The following TDRD1 variants were observed in gnomAD, a reference collection of about 807,000 sequenced individuals.
TDRD1 encodes tudor domain-containing protein 1.
TDRD1 carries 37 observed loss-of-function variants against 140.6 expected under a neutral mutation model. That is an observed-to-expected ratio of 0.26 (90% confidence interval 0.20 to 0.35). The LOEUF (loss-of-function observed/expected upper bound fraction) is 0.35. Among genes scored for constraint, TDRD1 ranks in the 10% least tolerant of loss-of-function variants. The probability of loss-of-function intolerance (pLI) is 1.00; values close to 1 mark genes in which losing one functional copy is unlikely to be tolerated. For synonymous variants in TDRD1, 506 were observed against 475.7 expected, an observed-to-expected ratio of 1.06 and a Z score of -0.83; for missense variants, 1,243 against 1,393.0, an observed-to-expected ratio of 0.89 and a Z score of 1.71.
exon 26 of TDRD1, chr10:114,231,705 T>C (rs1183872902): frequency 1.9e-6 from 1 of 518,646 alleles, no homozygotes; most frequent in Non-Finnish European, 3.3e-6. Context: ...CAAATAAATA[T>C]TACGTAAAAA....
chr10:114,188,356 A>C (rs977928654), intron 2 of TDRD1, among the ~76,000 whole-genome samples, 200 bp downstream of exon 2: 1 of 152,206 alleles, frequency 6.6e-6, no homozygotes, highest in African/African-American at 2.4e-5. Context: ...CTCAGAAAAA[A>C]TTCCTGGGGA....
chr10:114,189,313 C>T (rs2033789499), intron 2 of TDRD1, among the ~76,000 whole-genome samples: 1 of 152,120 alleles, frequency 6.6e-6, no homozygotes, highest in Non-Finnish European at 1.5e-5. Context: ...ACCATGTGTG[C>T]AATTGAGTTG....
chr10:114,215,931 A>G (rs1048897398), intron 16 of TDRD1, among the ~76,000 whole-genome samples: 2 of 152,168 alleles, frequency 1.3e-5, no homozygotes, highest in Admixed American at 6.5e-5. Context: ...ATCCTTTTCT[A>G]TATCTATCAA....
At chr10:114,182,025 G>A (rs374797517) in intron 1 of TDRD1, among the ~76,000 whole-genome samples, 8 of 152,192 alleles carry the variant, frequency 5.3e-5, no homozygotes, top group African/African-American at 1.7e-4. Flanking sequence ...GTGACTGAAC[G>A]TTTTATCTGG....
upstream of TDRD1, among the ~76,000 whole-genome samples, chr10:114,176,239 CA>C (rs1325908795): frequency 1.3e-5 from 2 of 151,256 alleles, no homozygotes; most frequent in African/African-American, 4.9e-5. The surrounding 1 kb of genome is among the most constrained non-coding windows in gnomAD (Gnocchi z 4.2). Flanking sequence ...AGAAGCACAA[CA>C]CCACCTGTGA....
intron 3 of TDRD1, among the ~76,000 whole-genome samples, chr10:114,196,601 T>C (rs189969490): frequency 1.3e-5 from 2 of 152,196 alleles, no homozygotes; most frequent in Non-Finnish European, 2.9e-5. Flanking sequence ...AGTCACCTTA[T>C]GTTTGTTTTA....
At chr10:114,228,372 CTGT>C (rs1460795332) in intron 25 of TDRD1, 3 of 1,232,106 alleles carry the variant, frequency 2.4e-6, no homozygotes, top group Non-Finnish European at 3.1e-6. Context: ...CCTTTCCTTA[CTGT>C]TGTTTGGTTC....
At chr10:114,211,732 TA>T in intron 13 of TDRD1, 133 bp from the exon 14 acceptor site, 1 of 860,370 alleles carries the variant, frequency 1.2e-6, no homozygotes, top group Non-Finnish European at 1.7e-6. Context: ...GCAAAATTAG[TA>T]AACATTGTTC....
Position 114,186,718 on chromosome 10 carries a change from T to A in TDRD1, c.-6-1108T>A, listed in dbSNP as rs561953957. 3.5e-4 allele frequency among the ~76,000 whole-genome samples: 54 copies of A among 152,274 alleles called. 2 individuals are homozygous for A. In the South Asian group the frequency reaches 0.011, roughly 30 times the overall value. On this transcript the variant is annotated intron_variant, in intron 1 of 25. Coordinates refer to ENST00000251864, the Ensembl canonical transcript of TDRD1. ...CTCCCCCATCGCTGCCCACCTGCAG[T>A]CATTCTGTTAGGGGTCTTCTCAGGG...
At chr10:114,196,929 C>G (rs867427997) in intron 3 of TDRD1, among the ~76,000 whole-genome samples, 18 of 135,972 alleles carry the variant, frequency 1.3e-4, no homozygotes, top group Admixed American at 1.3e-3. Context: ...TCACTGCAAC[C>G]TCTGCCTCCT....
chr10:114,187,342 C>T (rs140316969), intron 1 of TDRD1, among the ~76,000 whole-genome samples: 73 of 152,072 alleles, frequency 4.8e-4, no homozygotes, highest in South Asian at 1.5e-3. Flanking sequence ...GCAGTGAGTG[C>T]GAGGGCATTC....
chr10:114,228,481 C>A, intron 25 of TDRD1: 1 of 1,035,852 alleles, frequency 9.7e-7, no homozygotes. Context: ...CTGAAATTAA[C>A]TCAGAGCTCA....
chr10:114,181,514 G>A (rs1382615372), intron 1 of TDRD1, among the ~76,000 whole-genome samples: 2 of 152,188 alleles, frequency 1.3e-5, no homozygotes, highest in Non-Finnish European at 2.9e-5. Flanking sequence ...GATACAGGAT[G>A]AACCAAGTAG....
chr10:114,199,859 A>G (rs773283335), intron 4 of TDRD1, among the ~76,000 whole-genome samples: 2 of 152,174 alleles, frequency 1.3e-5, no homozygotes, highest in Non-Finnish European at 2.9e-5. Flanking sequence ...TGTTCTATTG[A>G]TGAATATTTT....
Position 114,210,973 on chromosome 10 carries a change from G to A in TDRD1, c.1660+6G>A, listed in dbSNP as rs572463130. 1 of 1,600,820 alleles carries A rather than the reference G, an allele frequency of 6.2e-7. No individual in the cohort carries two copies. Among genetic ancestry groups the A allele is most frequent in the East Asian group, 2.2e-5 (1 of 44,806 alleles). Reference sequence around the variant, plus strand: ...ATGTTGTGCTCAGTTCTCAGGTAAGGACAGAGTATTACTGATTTTTAAAAT... The same window carrying A: ...ATGTTGTGCTCAGTTCTCAGGTAAGAACAGAGTATTACTGATTTTTAAAAT... On this transcript the variant is annotated splice_donor_region_variant and intron_variant, in intron 13 of 25. Transcript: ENST00000251864.
At chr10:114,180,334 C>G (rs2032936742) in intron 1 of TDRD1, among the ~76,000 whole-genome samples, 1 of 152,168 alleles carries the variant, frequency 6.6e-6, no homozygotes, top group Admixed American at 6.5e-5. Context: ...ATTTTACAGT[C>G]GCTGAATCCT....
rs181237151 is a variant in TDRD1 at position 114,221,171 on chromosome 10, G to A, written c.2771-186G>A. 1.2e-4 allele frequency among the ~76,000 whole-genome samples: 18 copies of A among 152,216 alleles called. No individual in the cohort carries two copies. In the East Asian group the frequency reaches 2.1e-3, roughly 18 times the overall value. ...ATTTCATTGTAGACTGAACTTTTTC[G>A]TACTGCCCACAAAATCCCTCAAATA... On this transcript the variant is annotated intron_variant, in intron 19 of 25. Coordinates refer to ENST00000251864, the Ensembl canonical transcript of TDRD1.
At chr10:114,200,140 G>A (rs1470641991) in intron 4 of TDRD1, among the ~76,000 whole-genome samples, 4 of 152,134 alleles carry the variant, frequency 2.6e-5, no homozygotes, top group African/African-American at 7.2e-5. Flanking sequence ...AGCCCTTCTC[G>A]TGGATAAGTT....
chr10:114,203,706 G>A (rs534167417), intron 8 of TDRD1, 139 bp downstream of exon 8: 13 of 769,646 alleles, frequency 1.7e-5, no homozygotes, highest in African/African-American at 7.0e-5. Flanking sequence ...TCAGTATCCC[G>A]TGCTCTGTTC....
Sources: allele counts gnomAD v4.1 joint callset (sites outside exome capture counted in the v4.1 genomes callset), GRCh38; gene constraint gnomAD v4.1.1; non-coding constraint Gnocchi (gnomAD v3.1); transcripts MANE v1.5; gene names NCBI Gene and HGNC (gene_info 2026-07-23, HGNC 2026-07-21).